Variants in SCAPER observed in about 807,000 individuals in gnomAD.
SCAPER encodes S phase cyclin A-associated protein in the endoplasmic reticulum.
SCAPER carries 98 observed loss-of-function variants against 182.2 expected under a neutral mutation model. The ratio of observed to expected loss-of-function variants is 0.54; its 90% CI spans 0.46 to 0.64. The LOEUF (loss-of-function observed/expected upper bound fraction) is 0.64. Ranked by LOEUF, SCAPER falls within the 30% of genes least tolerant of loss-of-function variation. The pLI, the probability that SCAPER is intolerant of heterozygous loss-of-function variation, is 0.00. For synonymous variants in SCAPER, 605 were observed against 564.6 expected (o/e 1.07, Z -1.01); for missense variants, 1,432 against 1,690.0 (o/e 0.85, Z 2.68).
chr15:76,832,900 C>T (rs1456519082), intron 5 of SCAPER, among the ~76,000 whole-genome samples: 1 of 152,174 alleles, frequency 6.6e-6, no homozygotes, highest in Non-Finnish European at 1.5e-5. Flanking sequence ...CCAGTTAAAT[C>T]TCTTTTCTTT....
intron 24 of SCAPER, among the ~76,000 whole-genome samples, chr15:76,476,412 C>T (rs538238630): frequency 1.3e-5 from 2 of 151,070 alleles, no homozygotes; most frequent in East Asian, 2.1e-4. Context: ...CTTTCCCTTC[C>T]TTTCCTTTCT....
chr15:76,690,602 A>G (rs1037414778), intron 20 of SCAPER, among the ~76,000 whole-genome samples: 6 of 152,178 alleles, frequency 3.9e-5, no homozygotes, highest in African/African-American at 1.4e-4. Context: ...GAAACTGTGC[A>G]AAGGGTATAT....
intron 6 of SCAPER, among the ~76,000 whole-genome samples, chr15:76,801,449 T>C (rs2065784070): frequency 6.6e-6 from 1 of 152,218 alleles, no homozygotes; most frequent in Non-Finnish European, 1.5e-5. Context: ...TCTTTAAACA[T>C]ATACAACTTC....
chr15:76,539,583 C>T (rs1475086625), intron 23 of SCAPER, among the ~76,000 whole-genome samples: 8 of 125,962 alleles, frequency 6.4e-5, no homozygotes, highest in African/African-American at 2.4e-4. Flanking sequence ...GTCTCACTGT[C>T]TCCCAGGCTG....
intron 23 of SCAPER, among the ~76,000 whole-genome samples, chr15:76,517,631 G>C (rs576916003): frequency 6.6e-6 from 1 of 152,058 alleles, no homozygotes. Context: ...AATTACAAGC[G>C]TAAGCCACCG....
intron 22 of SCAPER, among the ~76,000 whole-genome samples, chr15:76,596,046 T>C (rs2049470114): frequency 8.3e-6 from 1 of 120,120 alleles, no homozygotes; most frequent in Non-Finnish European, 2.0e-5. Flanking sequence ...ATTAACAACA[T>C]AGATGGACCA....
At chr15:76,823,020 G>A (rs2067703605) in intron 5 of SCAPER, among the ~76,000 whole-genome samples, 1 of 152,066 alleles carries the variant, frequency 6.6e-6, no homozygotes, top group Non-Finnish European at 1.5e-5. Context: ...CTCATAAAAT[G>A]ACAATCAGAA....
intron 26 of SCAPER, among the ~76,000 whole-genome samples, chr15:76,417,227 C>CA (rs59646323): frequency 0.57 from 86,381 of 151,626 alleles, 25,605 homozygotes; most frequent in Non-Finnish European, 0.65. Flanking sequence ...GTTAAAAAAA[C>CA]AAAAAAACAA....
In SCAPER at chr15:76,841,920, C is replaced by T; in HGVS notation, c.207G>A (p.Val69=). The change falls in exon 5 of 32, where the codon GTG becomes GTA. Residue 69 remains valine, a synonymous_variant. Coordinates refer to ENST00000563290, the MANE Select transcript of SCAPER (RefSeq NM_020843.4). ...TCGTAGACGATGTTATTTTACAGTCCACTGCAGTACTCTGGTGAAGTAAAA... is the reference window on the plus strand; with the variant it reads ...TCGTAGACGATGTTATTTTACAGTCTACTGCAGTACTCTGGTGAAGTAAAA... ...THKTTKQSTA[V]DCKITSSTTG... 1 of 1,613,356 alleles carries T rather than the reference C, an allele frequency of 6.2e-7. No individual in the cohort carries two copies. Among genetic ancestry groups the T allele is most frequent in the Non-Finnish European group, 8.5e-7 (1 of 1,179,676 alleles).
intron 23 of SCAPER, among the ~76,000 whole-genome samples, chr15:76,552,836 T>C (rs1247264658): frequency 2.0e-5 from 3 of 152,018 alleles, no homozygotes; most frequent in South Asian, 2.1e-4. Context: ...GACTTGCCCA[T>C]GGTTAGTCCG....
intron 27 of SCAPER, among the ~76,000 whole-genome samples, chr15:76,399,972 T>C (rs1305017201): frequency 7.2e-6 from 1 of 138,488 alleles, no homozygotes; most frequent in Non-Finnish European, 1.5e-5. Context: ...GCCACTGCAC[T>C]CCAGCCTGGG....
chr15:76,592,155 A>G (rs1179379551), intron 22 of SCAPER, among the ~76,000 whole-genome samples: 1 of 152,004 alleles, frequency 6.6e-6, no homozygotes, highest in Admixed American at 6.6e-5. Context: ...GGTAATATAT[A>G]GGTTATATAG....
In SCAPER at chr15:76,357,371, TA is replaced by T. The variant is rs1187240660; in HGVS notation, c.3856-3232del. Among the ~76,000 whole-genome samples the T allele has an allele frequency of 2.0e-5, 3 of 152,258 alleles. No homozygotes were observed. In the East Asian group the frequency reaches 5.8e-4, roughly 29 times the overall value. On this transcript the variant is annotated intron_variant, in intron 29 of 31. Coordinates refer to ENST00000563290, the MANE Select transcript of SCAPER (RefSeq NM_020843.4). ...CATATGAAAAAATGCTCAACATCACTAATCATCAGATGAATGCAAATTAAAA... is the reference window on the plus strand; with the variant it reads ...CATATGAAAAAATGCTCAACATCACTATCATCAGATGAATGCAAATTAAAA...
intron 20 of SCAPER, among the ~76,000 whole-genome samples, chr15:76,669,348 A>G (rs1195906702): frequency 6.6e-6 from 1 of 152,052 alleles, no homozygotes; most frequent in Non-Finnish European, 1.5e-5. Context: ...ACATAAAGCA[A>G]TGATTTAAGT....
chr15:76,401,614 GAACT>G (rs2044463660), intron 27 of SCAPER, among the ~76,000 whole-genome samples: 1 of 152,070 alleles, frequency 6.6e-6, no homozygotes. Flanking sequence ...CACCTCCCAA[GAACT>G]AACATTTATG....
intron 23 of SCAPER, among the ~76,000 whole-genome samples, chr15:76,521,781 ATAAATGTAT>A (rs1395614412): frequency 6.6e-6 from 1 of 152,198 alleles, no homozygotes; most frequent in Non-Finnish European, 1.5e-5. Flanking sequence ...ACTGCTTTAA[ATAAATGTAT>A]TAAATTTGTT....
intron 20 of SCAPER, among the ~76,000 whole-genome samples, chr15:76,678,572 A>G (rs2057500026): frequency 6.6e-6 from 1 of 152,224 alleles, no homozygotes. Context: ...GTTAAAACTT[A>G]TATTTCTTGT....
chr15:76,879,136 C>T (rs915343830), intron 2 of SCAPER, among the ~76,000 whole-genome samples: 2 of 152,138 alleles, frequency 1.3e-5, no homozygotes, highest in African/African-American at 4.8e-5. Context: ...GCTCCAAAAT[C>T]AGACTTTCAT....
At chr15:76,611,276 A>G (rs931992721) in intron 22 of SCAPER, among the ~76,000 whole-genome samples, 2 of 152,168 alleles carry the variant, frequency 1.3e-5, no homozygotes, top group Non-Finnish European at 2.9e-5. Flanking sequence ...CAGATAAAAA[A>G]TGTAAGACTC....
Sources: gnomAD v4.1 joint callset for allele counts (sites outside exome capture counted in the v4.1 genomes callset) on GRCh38, gnomAD v4.1.1 for gene constraint, MANE v1.5 for transcripts, NCBI Gene and HGNC (gene_info 2026-07-23, HGNC 2026-07-21) for gene names.